ZNF529: variants seen among roughly 807,000 people sequenced by gnomAD.
The protein encoded by ZNF529 is zinc finger protein 529.
ZNF529 carries 11 observed loss-of-function variants against 10.1 expected under a neutral mutation model. That is an observed-to-expected ratio of 1.09 (90% CI 0.69 to 1.81). ZNF529 has a LOEUF of 1.81. Among genes scored for constraint, ZNF529 ranks in the 40% most tolerant of loss-of-function variants. The pLI, the probability that ZNF529 is intolerant of heterozygous loss-of-function variation, is 0.00. For missense variants in ZNF529, 624 were observed against 666.8 expected, an observed-to-expected ratio of 0.94 and a Z score of 0.71; for synonymous variants, 204 against 215.7, an observed-to-expected ratio of 0.95 and a Z score of 0.47.
At chr19:36,585,705 G>A (rs527729393) in intron 2 of ZNF529, among the ~76,000 whole-genome samples, 1 of 152,326 alleles carries the variant, frequency 6.6e-6, no homozygotes, top group African/African-American at 2.4e-5. Flanking sequence ...TTTTTCCTAA[G>A]TGATTAACTC....
intron 2 of ZNF529, among the ~76,000 whole-genome samples, chr19:36,586,425 T>G (rs1470783256): frequency 1.3e-5 from 2 of 151,862 alleles, no homozygotes; most frequent in Non-Finnish European, 2.9e-5. Context: ...ACCAATATGA[T>G]GAAACCCCGT....
rs910446907 is a variant in ZNF529 at position 36,545,919 on chromosome 19, C to G, written c.*947G>C. 4 of 151,386 alleles carry G rather than the reference C, an allele frequency of 2.6e-5. No homozygotes were observed. Among genetic ancestry groups the G allele is most frequent in the African/African-American group, 9.7e-5 (4 of 41,190 alleles). The allele number at this position is 151,386 out of a possible 1,614,324, so 9.4% of individuals were successfully genotyped here. A position where few individuals can be genotyped will look rare whatever the true frequency, so the allele number is the denominator to read the frequency against. On this transcript the variant is annotated 3_prime_UTR_variant, in exon 5 of 5. Transcript: ENST00000591340. ...TTAAAAGAGTTCTCTTCATTTGGAT[C>G]CTGGTTGGTATAGCCTGCAGGTAAA...
intron 4 of ZNF529, among the ~76,000 whole-genome samples, chr19:36,551,329 AAGTG>A (rs1248989598): frequency 6.6e-6 from 1 of 152,206 alleles, no homozygotes; most frequent in Non-Finnish European, 1.5e-5. Flanking sequence ...TTTGGACAAA[AAGTG>A]AGAATAAATT....
chr19:36,568,301 T>C (rs531630423), intron 2 of ZNF529, among the ~76,000 whole-genome samples: 2 of 152,276 alleles, frequency 1.3e-5, no homozygotes, highest in Admixed American at 6.5e-5. Flanking sequence ...TTGTTGATTA[T>C]GTTACTTGTG....
chr19:36,588,759 A>C (rs1020013502), intron 2 of ZNF529, among the ~76,000 whole-genome samples: 2 of 152,160 alleles, frequency 1.3e-5, no homozygotes, highest in Non-Finnish European at 2.9e-5. Flanking sequence ...CTTTCTCTGA[A>C]GTCTTGCCTA....
chr19:36,547,460 A>G lies in ZNF529; in HGVS notation c.1098T>C (p.Tyr366=), dbSNP rs2035078787. 1 of 1,613,970 alleles carries G rather than the reference A, an allele frequency of 6.2e-7. No individual in the cohort carries two copies. ...HQRIHTGEKP[Y]ACKECGKAFG... Reference sequence around the variant, plus strand: ...AAGCCTTCCCACATTCCTTACATGCATAAGGTTTCTCACCAGTGTGAATTC... The same window carrying G: ...AAGCCTTCCCACATTCCTTACATGCGTAAGGTTTCTCACCAGTGTGAATTC... The change falls in exon 5 of 5, where the codon TAT becomes TAC. Residue 366 remains tyrosine, a synonymous_variant. Coordinates refer to ENST00000591340, the MANE Select transcript of ZNF529 (RefSeq NM_020951.5).
At chr19:36,552,767 A>G (rs1307456074) in intron 4 of ZNF529, among the ~76,000 whole-genome samples, 1 of 152,242 alleles carries the variant, frequency 6.6e-6, no homozygotes, top group East Asian at 1.9e-4. Context: ...AATTGGCTAA[A>G]GTTTTACTAA....
intron 2 of ZNF529, among the ~76,000 whole-genome samples, chr19:36,579,290 A>G (rs2036411857): frequency 6.6e-6 from 1 of 152,352 alleles, no homozygotes; most frequent in South Asian, 2.1e-4. Flanking sequence ...CACATTAAGT[A>G]TAAGAAAGTT....
intron 2 of ZNF529, among the ~76,000 whole-genome samples, chr19:36,558,586 C>T (rs566341391): frequency 6.6e-6 from 1 of 152,130 alleles, no homozygotes; most frequent in South Asian, 2.1e-4. Context: ...TCCATCAACA[C>T]ATAAAAAAAT....
intron 2 of ZNF529, among the ~76,000 whole-genome samples, chr19:36,563,613 A>G (rs1365463226): frequency 1.3e-5 from 2 of 152,172 alleles, no homozygotes. Context: ...TACAATGAGA[A>G]CCACAAAACA....
At position 36,546,695 on chromosome 19, in the gene ZNF529, G is replaced by A. The variant is rs938218556; in HGVS notation, c.*171C>T. On this transcript the variant is annotated 3_prime_UTR_variant, in exon 5 of 5. Transcript: ENST00000591340. ...TTGGCAACATCTAACAAAGCTATAA[G>A]TATATATCAGCTATGACTAAGCAAT... The A allele has an allele frequency of 3.0e-6, 2 of 675,252 alleles. No homozygotes were observed. Among genetic ancestry groups the A allele is most frequent in the Non-Finnish European group, 4.7e-6 (2 of 423,950 alleles). The allele number at this position is 675,252 out of a possible 1,614,324, so 41.8% of individuals were successfully genotyped here.
chr19:36,562,729 C>G (rs1450042634), intron 2 of ZNF529, among the ~76,000 whole-genome samples: 1 of 151,364 alleles, frequency 6.6e-6, no homozygotes, highest in Admixed American at 6.6e-5. Flanking sequence ...CCCAGCTACT[C>G]AGGAGGCTGA....
intron 1 of ZNF529, among the ~76,000 whole-genome samples, chr19:36,603,802 T>G (rs1366327907): frequency 6.6e-6 from 1 of 152,240 alleles, no homozygotes; most frequent in African/African-American, 2.4e-5. Context: ...CTGAAATGTT[T>G]CTGTATTCAC....
intron 1 of ZNF529, among the ~76,000 whole-genome samples, chr19:36,599,841 C>A (rs1267710380): frequency 6.6e-6 from 1 of 151,906 alleles, no homozygotes; most frequent in Non-Finnish European, 1.5e-5. Flanking sequence ...CCAAAATAAA[C>A]AAGCCTACCA....
At chr19:36,575,278 T>C (rs889284446), upstream of ZNF529, among the ~76,000 whole-genome samples, 32 of 152,310 alleles carry the variant, frequency 2.1e-4, no homozygotes, top group African/African-American at 7.5e-4. Flanking sequence ...ATAACTAAAA[T>C]ATCACAAGCA....
At chr19:36,564,880 G>A (rs562946192) in intron 2 of ZNF529, among the ~76,000 whole-genome samples, 12 of 152,296 alleles carry the variant, frequency 7.9e-5, no homozygotes, top group African/African-American at 2.6e-4. Flanking sequence ...TAAAGAAAAT[G>A]TGGTATACAT....
In ZNF529 at chr19:36,561,383, C is replaced by CTT. The variant is rs78597357; in HGVS notation, c.15-5188_15-5187dup. On this transcript the variant is annotated intron_variant, in intron 2 of 4. Coordinates refer to ENST00000591340, the MANE Select transcript of ZNF529 (RefSeq NM_020951.5). The stretch of plus-strand genomic sequence containing the variant: ...AGCATGGCATCCTTCAAAGAGATTT[C>CTT]TTTTTTTTTTTTTTTTTGAGACAGA... Among the ~76,000 whole-genome samples, 975 of 137,310 alleles carry CTT rather than the reference C, an allele frequency of 7.1e-3. 14 individuals are homozygous for CTT. Among genetic ancestry groups the CTT allele is most frequent in the African/African-American group, 0.024 (917 of 37,514 alleles). The allele number at this position is 137,310 out of a possible 152,430, so 90.1% of individuals were successfully genotyped here.
chr19:36,556,928 A>C, intron 2 of ZNF529, among the ~76,000 whole-genome samples: 1 of 152,194 alleles, frequency 6.6e-6, no homozygotes, highest in East Asian at 1.9e-4. Context: ...ATTTTGGTGA[A>C]GGGCAATTGA....
At chr19:36,581,295 C>T (rs2036457463) in intron 2 of ZNF529, 1 of 151,936 alleles carries the variant, frequency 6.6e-6, no homozygotes, top group Non-Finnish European at 1.5e-5. Flanking sequence ...TCTAGATCTA[C>T]AGATCATTGA....
Sources: gnomAD v4.1 joint callset for allele counts (sites outside exome capture counted in the v4.1 genomes callset) on GRCh38, gnomAD v4.1.1 for gene constraint, MANE v1.5 for transcripts, NCBI Gene and HGNC (gene_info 2026-07-23, HGNC 2026-07-21) for gene names.